Variants in MICU3 observed in about 807,000 individuals in gnomAD.
MICU3 encodes calcium uptake protein 3, mitochondrial.
A neutral mutation model predicts 66.5 loss-of-function variants in MICU3; 62 were observed. The observed-to-expected ratio is 0.93, with a 90% confidence interval of 0.76 to 1.15. The LOEUF is 1.15. MICU3 is among the 50% of genes most tolerant of loss of function. The pLI is 0.00. For synonymous variants in MICU3, 308 were observed against 240.7 expected, an observed-to-expected ratio of 1.28 and a Z score of -2.59; for missense variants, 779 against 664.4, an observed-to-expected ratio of 1.17 and a Z score of -1.90.
intron 1 of MICU3, among the ~76,000 whole-genome samples, chr8:17,038,208 G>A (rs950064855): frequency 1.3e-5 from 2 of 152,130 alleles, no homozygotes; most frequent in African/African-American, 4.8e-5. Flanking sequence ...GTTTGGCTGT[G>A]TGTCCCACCC....
chr8:17,066,544 T>TATATATATATATATATATATATA (rs1491234403), intron 2 of MICU3, among the ~76,000 whole-genome samples: 12 of 61,488 alleles, frequency 2.0e-4, no homozygotes, highest in African/African-American at 1.2e-3. Flanking sequence ...TATATATAGA[T>TATATATATATATATATATATATA]TTTTTTTTTT....
chr8:17,095,393 A>T (rs2150779968), intron 8 of MICU3, among the ~76,000 whole-genome samples: 1 of 151,982 alleles, frequency 6.6e-6, no homozygotes, highest in African/African-American at 2.4e-5. Context: ...GTGCCATGTA[A>T]CTTTAAATAA....
rs1227049555 is a variant in MICU3 at position 17,064,095 on chromosome 8, C to A, written c.393C>A (p.Gly131=). ...VAAAKETVAI[G]RTDIEDLDLY... is the part of the protein sequence containing the mutation. ...TTTCTTAACTTTAGGTTGCTATTGG[C>A]AGAACAGACATTGAAGACTTAGACC... The change falls in exon 2 of 15, where the codon GGC becomes GGA. Residue 131 remains glycine, a synonymous_variant. Transcript: ENST00000318063. 2 of 1,609,480 alleles carry A rather than the reference C, an allele frequency of 1.2e-6. No homozygotes were observed. Among genetic ancestry groups the A allele is most frequent in the African/African-American group, 1.3e-5 (1 of 74,782 alleles).
intron 1 of MICU3, among the ~76,000 whole-genome samples, chr8:17,042,768 G>C (rs1490708768): frequency 6.6e-6 from 1 of 152,034 alleles, no homozygotes; most frequent in African/African-American, 2.4e-5. Context: ...AGTACAGGAA[G>C]TGTATACAAA....
intron 1 of MICU3, chr8:17,049,587 C>G (rs770859435): frequency 3.9e-6 from 2 of 518,472 alleles, no homozygotes; most frequent in South Asian, 1.4e-5. Flanking sequence ...GGTAACCTAA[C>G]TAGGAAGGGA....
At chr8:17,119,473 A>T (rs1473157139) in intron 14 of MICU3, among the ~76,000 whole-genome samples, 1 of 151,950 alleles carries the variant, frequency 6.6e-6, no homozygotes, top group African/African-American at 2.4e-5. Flanking sequence ...TTGTTGGTTT[A>T]AAAATGCTTG....
intron 1 of MICU3, among the ~76,000 whole-genome samples, chr8:17,051,091 C>A (rs1816000650): frequency 2.0e-5 from 3 of 152,128 alleles, no homozygotes; most frequent in African/African-American, 7.2e-5. Context: ...GAGGAAAAAT[C>A]AGTATCAGAA....
At chr8:17,133,935 G>A in the MICU3 span, among the ~76,000 whole-genome samples, 3 of 152,120 alleles carry the variant, frequency 2.0e-5, no homozygotes, top group Admixed American at 1.3e-4. Flanking sequence ...TTTATAATAT[G>A]TTAGACTATT....
the MICU3 span, among the ~76,000 whole-genome samples, chr8:17,130,017 T>A: frequency 1.3e-5 from 2 of 152,234 alleles, no homozygotes; most frequent in South Asian, 4.1e-4. Context: ...AGTAAAATAG[T>A]CTTTTAAAAT....
chr8:17,054,699 G>A (rs929956273), intron 1 of MICU3, among the ~76,000 whole-genome samples: 1 of 151,646 alleles, frequency 6.6e-6, no homozygotes, highest in African/African-American at 2.4e-5. Flanking sequence ...AAGGACTGAG[G>A]ACCAGACCCA....
intron 1 of MICU3, among the ~76,000 whole-genome samples, chr8:17,056,758 ATACAG>A (rs1410356434): frequency 3.9e-5 from 6 of 152,224 alleles, no homozygotes; most frequent in African/African-American, 1.4e-4. Context: ...TCAGTAGCTT[ATACAG>A]TAGAGAGGGT....
intron 1 of MICU3, among the ~76,000 whole-genome samples, chr8:17,045,421 G>C (rs925583295): frequency 1.3e-5 from 2 of 152,156 alleles, no homozygotes; most frequent in Admixed American, 1.3e-4. Flanking sequence ...GGCCTGCTGG[G>C]TTTAGATCAT....
At chr8:17,082,996 A>ATT (rs1249341012) in intron 5 of MICU3, among the ~76,000 whole-genome samples, 1 of 152,122 alleles carries the variant, frequency 6.6e-6, no homozygotes, top group African/African-American at 2.4e-5. Context: ...AGAAAGAGTA[A>ATT]TTTACACAGA....
intron 1 of MICU3, among the ~76,000 whole-genome samples, chr8:17,041,018 T>C (rs965246722): frequency 3.3e-5 from 5 of 152,188 alleles, no homozygotes; most frequent in African/African-American, 1.2e-4. Context: ...GATCAAGGTG[T>C]CTTTTGGACA....
rs1003687804 is a variant in MICU3, at chr8:17,053,732, A to T, written c.382-10352A>T. On this transcript the variant is annotated intron_variant, in intron 1 of 14. Coordinates refer to ENST00000318063, the MANE Select transcript of MICU3 (RefSeq NM_181723.3). ...AAATCATGTATATTTTTATCATTTC[A>T]ACGTAAATTCTCATAAATAGCTCAC... Among the ~76,000 whole-genome samples, 6 of 152,342 alleles carry T rather than the reference A, an allele frequency of 3.9e-5. No individual in the cohort carries two copies. The East Asian group carries it at 9.6e-4, about 24-fold the overall frequency.
At chr8:17,045,200 A>T (rs1039612547) in intron 1 of MICU3, among the ~76,000 whole-genome samples, 1 of 152,206 alleles carries the variant, frequency 6.6e-6, no homozygotes, top group African/African-American at 2.4e-5. Flanking sequence ...GATAGATAAC[A>T]TATGTTTTTG....
intron 6 of MICU3, 31 bp downstream of exon 6, chr8:17,085,349 T>C (rs781025156): frequency 6.9e-6 from 9 of 1,299,300 alleles, no homozygotes; most frequent in Non-Finnish European, 1.0e-5. Flanking sequence ...ACTTTATCAA[T>C]AATTAAATAT....
chr8:17,104,323 A>G lies in MICU3; in HGVS notation c.985-68A>G, dbSNP rs547247873. On this transcript the variant is annotated intron_variant, in intron 9 of 14. Transcript: ENST00000318063. ...TATGTTGATAACAGAATTCTTTGAG[A>G]AATATTGGGTATCCCTATTCTGTTT... is the stretch of plus-strand genomic sequence containing the variant. The G allele has an allele frequency of 1.5e-4, 99 of 668,404 alleles. 1 individual carries two copies. Among genetic ancestry groups the G allele is most frequent in the African/African-American group, 4.1e-4 (22 of 53,802 alleles). 41.4% of individuals were successfully genotyped at this position (668,404 alleles called of 1,614,324 possible). A position where few individuals can be genotyped will look rare whatever the true frequency, so the allele number is the denominator to read the frequency against.
Position 17,075,631 on chromosome 8 carries a change from T to C in MICU3, c.568-2152T>C, listed in dbSNP as rs138415240. On this transcript the variant is annotated intron_variant, in intron 3 of 14. Transcript: ENST00000318063. Reference sequence around the variant, plus strand: ...CTTAAAGTTAACAGAGAAGTCAAGATGAATGTGTTGATTGGATGATTTAGA... The same window carrying C: ...CTTAAAGTTAACAGAGAAGTCAAGACGAATGTGTTGATTGGATGATTTAGA... Among the ~76,000 whole-genome samples, 323 of 152,276 alleles carry C rather than the reference T, an allele frequency of 2.1e-3. 2 individuals are homozygous for C. Among genetic ancestry groups the C allele is most frequent in the African/African-American group, 7.1e-3 (296 of 41,558 alleles).
Sources: gnomAD v4.1 joint callset for allele counts (sites outside exome capture counted in the v4.1 genomes callset) on GRCh38, gnomAD v4.1.1 for gene constraint, MANE v1.5 for transcripts, NCBI Gene and HGNC (gene_info 2026-07-23, HGNC 2026-07-21) for gene names.